Variants in OMA1 observed in about 807,000 individuals in gnomAD.
OMA1 encodes the protein metalloendopeptidase OMA1, mitochondrial.
Under a neutral mutation model 30.9 loss-of-function variants are expected in OMA1, and 38 were observed. The ratio of observed to expected loss-of-function variants is 1.23; its 90% CI spans 0.95 to 1.61. The LOEUF (loss-of-function observed/expected upper bound fraction) is 1.61, where lower values mean the gene tolerates loss of function less well. OMA1 is among the 40% of genes most tolerant of loss of function. The pLI is 0.00. For missense variants in OMA1, 461 were observed against 349.2 expected (o/e 1.32, Z -2.55); for synonymous variants, 173 against 121.9 (o/e 1.42, Z -2.76).
intron 7 of OMA1, among the ~76,000 whole-genome samples, chr1:58,523,337 C>T (rs1188285822): frequency 6.6e-6 from 1 of 152,172 alleles, no homozygotes; most frequent in Non-Finnish European, 1.5e-5. Flanking sequence ...GGCTTGGTGG[C>T]TTTCATGGCT....
At chr1:58,507,993 T>C (rs943883481) in intron 7 of OMA1, among the ~76,000 whole-genome samples, 1 of 152,192 alleles carries the variant, frequency 6.6e-6, no homozygotes, top group African/African-American at 2.4e-5. Flanking sequence ...ACCAAAGGCA[T>C]ACTTATCTAA....
chr1:58,537,699 A>G (rs562998930), intron 2 of OMA1, among the ~76,000 whole-genome samples: 3 of 152,224 alleles, frequency 2.0e-5, no homozygotes, highest in Admixed American at 6.6e-5. Context: ...ACAAATTCTT[A>G]AAGTTCTCTT....
intron 7 of OMA1, 68 bp from the exon 8 acceptor site, chr1:58,506,277 T>C (rs745409275): frequency 4.8e-5 from 35 of 732,028 alleles, no homozygotes; most frequent in Admixed American, 2.7e-4. Flanking sequence ...ACTACTACTT[T>C]ATTTTTTTTT....
chr1:58,497,817 G>T (rs904105128), intron 8 of OMA1, among the ~76,000 whole-genome samples: 1 of 152,162 alleles, frequency 6.6e-6, no homozygotes. Flanking sequence ...ACAACGTGGC[G>T]GCTTTCCCTG....
rs773157528 is a variant in OMA1, at chr1:58,481,171, G to T, written c.1369C>A (p.Leu457Ile). The T allele has an allele frequency of 1.2e-6, 1 of 834,076 alleles. No homozygotes were observed. The highest frequency in any genetic ancestry group is 1.5e-5 in the South Asian group (1 of 65,676). 51.7% of individuals were successfully genotyped at this position (834,076 alleles called of 1,614,324 possible). The change falls in exon 9 of 9, where the codon CTC (leucine) becomes ATC (isoleucine). Residue 457 changes from leucine to isoleucine, a missense_variant. Coordinates refer to ENST00000371226, the MANE Select transcript of OMA1 (RefSeq NM_145243.5). The part of the protein sequence containing the change: ...EYLDRLIPQA[L>I]KIREMCNCPP... ...CAATTACACATCTCTCTAATTTTGAGAGCCTATAAAGAAATAATAAAATAA... is the reference window on the plus strand; with the variant it reads ...CAATTACACATCTCTCTAATTTTGATAGCCTATAAAGAAATAATAAAATAA...
At chr1:58,511,651 A>C (rs1646079104) in intron 7 of OMA1, among the ~76,000 whole-genome samples, 1 of 152,072 alleles carries the variant, frequency 6.6e-6, no homozygotes, top group African/African-American at 2.4e-5. Flanking sequence ...ACACACACAC[A>C]CAAACCCCAC....
chr1:58,505,163 G>T (rs1007234995), intron 8 of OMA1, among the ~76,000 whole-genome samples: 7 of 152,136 alleles, frequency 4.6e-5, no homozygotes, highest in Non-Finnish European at 1.5e-5. Flanking sequence ...CGTTGGCCAG[G>T]CTGGTCTCGA....
At chr1:58,487,223 G>A (rs1421111786) in intron 8 of OMA1, among the ~76,000 whole-genome samples, 1 of 152,202 alleles carries the variant, frequency 6.6e-6, no homozygotes, top group Non-Finnish European at 1.5e-5. Flanking sequence ...ACTTGTTAAA[G>A]CAGTCAAGAT....
At position 58,530,653 on chromosome 1, in the gene OMA1, G is replaced by A. The variant is rs182331631; in HGVS notation, c.1088C>T (p.Pro363Leu). 1.7e-5 allele frequency: 15 copies of A among 872,558 alleles called. No individual in the cohort carries two copies. The highest frequency in any genetic ancestry group is 2.4e-5 in the Non-Finnish European group (12 of 501,586). 54.1% of individuals were successfully genotyped at this position (872,558 alleles called of 1,614,324 possible). Residue 363 changes from proline (P) to leucine (L), a missense_variant, in exon 6 of 9, where the codon CCT (proline) becomes CTT (leucine). Pro to Leu is a moderately conservative substitution (Grantham distance 98, BLOSUM62 -3). Coordinates refer to ENST00000371226, the MANE Select transcript of OMA1 (RefSeq NM_145243.5). ...GCACAAAAGTGCCAAGCTATCTCGA[G>A]GACAAATGGCCCAAATCATTGTGAG... Reference protein sequence around the residue: ...IFLTMIWAICPRDSLALLCQW... With the variant: ...IFLTMIWAICLRDSLALLCQW...
At chr1:58,526,095 CAA>C (rs1231447237) in intron 7 of OMA1, among the ~76,000 whole-genome samples, 1 of 151,960 alleles carries the variant, frequency 6.6e-6, no homozygotes, top group Non-Finnish European at 1.5e-5. Context: ...CTGAGATAAA[CAA>C]AGATTTCCTA....
intron 2 of OMA1, 68 bp from the exon 3 acceptor site, chr1:58,536,809 A>G: frequency 1.3e-6 from 1 of 771,466 alleles, no homozygotes. Flanking sequence ...GCTCAAATGC[A>G]TACACTAGAA....
At chr1:58,501,112 T>C (rs967148501) in intron 8 of OMA1, among the ~76,000 whole-genome samples, 1 of 152,198 alleles carries the variant, frequency 6.6e-6, no homozygotes, top group African/African-American at 2.4e-5. Context: ...AATAGAATTA[T>C]AACATATCAG....
intron 1 of OMA1, among the ~76,000 whole-genome samples, chr1:58,542,086 T>G (rs1646632246): frequency 6.6e-6 from 1 of 152,258 alleles, no homozygotes; most frequent in Non-Finnish European, 1.5e-5. Context: ...TTTTATGTAA[T>G]TCATACATCC....
intron 7 of OMA1, among the ~76,000 whole-genome samples, chr1:58,515,561 A>G (rs1466929127): frequency 6.6e-6 from 1 of 152,226 alleles, no homozygotes; most frequent in Admixed American, 6.5e-5. Flanking sequence ...TGGGTGATAA[A>G]ATTAAGTTCC....
intron 7 of OMA1, among the ~76,000 whole-genome samples, chr1:58,516,449 A>AGTT (rs2100439891): frequency 6.6e-6 from 1 of 152,352 alleles, no homozygotes; most frequent in East Asian, 1.9e-4. Context: ...AAGACTGAAC[A>AGTT]GCTTGTTATT....
At chr1:58,500,695 A>G (rs1350512222) in intron 8 of OMA1, among the ~76,000 whole-genome samples, 1 of 152,198 alleles carries the variant, frequency 6.6e-6, no homozygotes, top group African/African-American at 2.4e-5. Flanking sequence ...ACCATAAACA[A>G]TGAGTAAGTT....
At chr1:58,535,242 G>A (rs1265973291) in intron 3 of OMA1, among the ~76,000 whole-genome samples, 4 of 152,124 alleles carry the variant, frequency 2.6e-5, no homozygotes, top group African/African-American at 9.7e-5. Context: ...CAAGTGTACT[G>A]AGAAAATTAA....
At chr1:58,517,608 C>A (rs1393635453) in intron 7 of OMA1, among the ~76,000 whole-genome samples, 1 of 152,126 alleles carries the variant, frequency 6.6e-6, no homozygotes, top group African/African-American at 2.4e-5. Flanking sequence ...ATTCATAATA[C>A]TTCAAACTTT....
At chr1:58,515,201 G>A (rs1251392918) in intron 7 of OMA1, among the ~76,000 whole-genome samples, 1 of 151,978 alleles carries the variant, frequency 6.6e-6, no homozygotes, top group African/African-American at 2.4e-5. Flanking sequence ...ATTTAAAATT[G>A]CTCTTTTCCA....
Sources: gnomAD v4.1 joint callset for allele counts (sites outside exome capture counted in the v4.1 genomes callset) on GRCh38, gnomAD v4.1.1 for gene constraint, MANE v1.5 for transcripts, NCBI Gene and HGNC (gene_info 2026-07-23, HGNC 2026-07-21) for gene names.